MAGI2: variants seen among roughly 807,000 people sequenced by gnomAD.
MAGI2 encodes membrane associated guanylate kinase, WW and PDZ domain containing 2, also known as membrane-associated guanylate kinase, WW and PDZ domain-containing protein 2.
A neutral mutation model predicts 133.3 loss-of-function variants in MAGI2; 35 were observed. The ratio of observed to expected loss-of-function variants is 0.26; its 90% confidence interval spans 0.20 to 0.35. The LOEUF is 0.35. Among genes scored for constraint, MAGI2 ranks in the 10% least tolerant of loss-of-function variants. MAGI2 has a pLI of 1.00. For synonymous variants in MAGI2, 729 were observed against 710.6 expected, an observed-to-expected ratio of 1.03 and a Z score of -0.41; for missense variants, 1,636 against 1,863.4, an observed-to-expected ratio of 0.88 and a Z score of 2.25.
chr7:78,945,926 C>A (rs1801382932), intron 2 of MAGI2, among the ~76,000 whole-genome samples: 1 of 152,166 alleles, frequency 6.6e-6, no homozygotes, highest in Non-Finnish European at 1.5e-5. Context: ...ATTTCCATGA[C>A]ATTTTGTGCA....
chr7:79,271,288 G>T (rs148103582), intron 1 of MAGI2, among the ~76,000 whole-genome samples: 1 of 152,136 alleles, frequency 6.6e-6, no homozygotes, highest in Non-Finnish European at 1.5e-5. Context: ...TCCCCTCATG[G>T]ACTGTCAGCT....
intron 1 of MAGI2, among the ~76,000 whole-genome samples, chr7:79,274,342 T>G (rs2129557446): frequency 6.6e-6 from 1 of 152,172 alleles, no homozygotes; most frequent in Middle Eastern, 3.4e-3. Flanking sequence ...TTTCTAAAGT[T>G]TCCTGGGTGA....
chr7:79,173,234 G>A (rs994167409), intron 1 of MAGI2, among the ~76,000 whole-genome samples: 2 of 151,838 alleles, frequency 1.3e-5, no homozygotes, highest in African/African-American at 4.8e-5. Flanking sequence ...AAGAAACATT[G>A]CTAATACTCA....
intron 2 of MAGI2, among the ~76,000 whole-genome samples, chr7:78,833,998 C>G (rs1362721422): frequency 6.6e-6 from 1 of 152,134 alleles, no homozygotes; most frequent in Non-Finnish European, 1.5e-5. Context: ...GTCCCCTATA[C>G]TTTAAAATTC....
intron 1 of MAGI2, among the ~76,000 whole-genome samples, chr7:79,260,870 C>A (rs1834038532): frequency 6.6e-6 from 1 of 152,140 alleles, no homozygotes; most frequent in Non-Finnish European, 1.5e-5. Context: ...ACACTCTGGT[C>A]CCAAGCATTT....
In MAGI2 at chr7:78,567,288, A is replaced by T. The variant is rs190839808; in HGVS notation, c.539-45643T>A. ...TCTTGAAAAATCAGAATTCAAATGG[A>T]ATTGCTCTATTCCAAGTAATAACTG... On this transcript the variant is annotated intron_variant, in intron 3 of 21. Transcript: ENST00000354212. 2.0e-3 allele frequency among the ~76,000 whole-genome samples: 299 copies of T among 152,228 alleles called. 2 individuals carry two copies. Among genetic ancestry groups the T allele is most frequent in the Admixed American group, 5.4e-3 (83 of 15,288 alleles).
chr7:78,396,742 T>C (rs1009050658), intron 6 of MAGI2, among the ~76,000 whole-genome samples: 2 of 152,154 alleles, frequency 1.3e-5, no homozygotes, highest in Non-Finnish European at 2.9e-5. Context: ...CACTTAGAAA[T>C]ATATAAAATG....
chr7:79,344,957 G>C (rs892408407), intron 1 of MAGI2, among the ~76,000 whole-genome samples: 1 of 152,008 alleles, frequency 6.6e-6, no homozygotes, highest in African/African-American at 2.4e-5. Flanking sequence ...TAATTTCTCT[G>C]GGTAACTATG....
At chr7:78,997,640 T>C (rs1039149937) in intron 2 of MAGI2, among the ~76,000 whole-genome samples, 3 of 151,904 alleles carry the variant, frequency 2.0e-5, no homozygotes, top group Admixed American at 2.0e-4. Context: ...TCCATGTGTA[T>C]TTCTTAAAAC....
intron 9 of MAGI2, among the ~76,000 whole-genome samples, chr7:78,278,853 C>T (rs1795290490): frequency 6.6e-6 from 1 of 152,140 alleles, no homozygotes; most frequent in South Asian, 2.1e-4. Context: ...GAGCCAATAC[C>T]TACTCTGGTT....
chr7:78,737,640 C>T (rs1821993416), intron 2 of MAGI2, among the ~76,000 whole-genome samples: 1 of 152,038 alleles, frequency 6.6e-6, no homozygotes, highest in African/African-American at 2.4e-5. Context: ...CAGCTGTCTT[C>T]TATGAAGCCA....
chr7:78,241,973 G>A (rs1042818469), intron 10 of MAGI2, among the ~76,000 whole-genome samples: 2 of 143,900 alleles, frequency 1.4e-5, no homozygotes, highest in Non-Finnish European at 3.0e-5. Context: ...CTGATGACGT[G>A]ACATGATCAA....
At chr7:78,779,474 A>G (rs548368696) in intron 2 of MAGI2, among the ~76,000 whole-genome samples, 64 of 152,336 alleles carry the variant, frequency 4.2e-4, no homozygotes, top group Non-Finnish European at 5.1e-4. Flanking sequence ...AGATGAAGAG[A>G]GAATAGAAAA....
chr7:78,368,940 G>C (rs1408505708), intron 7 of MAGI2, among the ~76,000 whole-genome samples: 1 of 151,884 alleles, frequency 6.6e-6, no homozygotes, highest in Non-Finnish European at 1.5e-5. Flanking sequence ...TTTTCAATTG[G>C]TGTTTTAGAA....
chr7:78,149,769 T>C (rs1251132601), intron 16 of MAGI2, among the ~76,000 whole-genome samples: 3 of 152,204 alleles, frequency 2.0e-5, no homozygotes, highest in Non-Finnish European at 2.9e-5. Flanking sequence ...AACAGACTTA[T>C]AACAGAAGGT....
At chr7:78,905,051 T>C (rs1797897477) in intron 2 of MAGI2, among the ~76,000 whole-genome samples, 1 of 152,178 alleles carries the variant, frequency 6.6e-6, no homozygotes, top group Non-Finnish European at 1.5e-5. Context: ...CTCTACCTTA[T>C]AACCTCCCTC....
At chr7:78,307,114 T>C (rs982304702) in intron 9 of MAGI2, among the ~76,000 whole-genome samples, 9 of 152,288 alleles carry the variant, frequency 5.9e-5, no homozygotes, top group Non-Finnish European at 1.3e-4. Context: ...GAAGAGAGCA[T>C]TGACACATAC....
At chr7:78,701,689 T>A (rs1818090824) in intron 2 of MAGI2, among the ~76,000 whole-genome samples, 1 of 151,954 alleles carries the variant, frequency 6.6e-6, no homozygotes, top group Non-Finnish European at 1.5e-5. Context: ...CCTTCCTTCA[T>A]AAACTTTACT....
intron 1 of MAGI2, among the ~76,000 whole-genome samples, chr7:79,013,163 G>A (rs116953141): frequency 6.6e-6 from 1 of 151,816 alleles, no homozygotes; most frequent in East Asian, 1.9e-4. Flanking sequence ...TTATAATTTG[G>A]GATTTCTTTT....
Sources: allele counts gnomAD v4.1 joint callset (sites outside exome capture counted in the v4.1 genomes callset), GRCh38; gene constraint gnomAD v4.1.1; transcripts MANE v1.5; gene names NCBI Gene and HGNC (gene_info 2026-07-23, HGNC 2026-07-21).